The following PTPN14 variants were observed in gnomAD, a reference collection of about 807,000 sequenced individuals.
The protein encoded by PTPN14 is protein tyrosine phosphatase non-receptor type 14, also known as tyrosine-protein phosphatase non-receptor type 14.
Under a neutral mutation model 126.8 loss-of-function variants are expected in PTPN14, and 53 were observed. That is an observed-to-expected ratio of 0.42 (90% CI 0.34 to 0.53). The LOEUF (loss-of-function observed/expected upper bound fraction) is 0.53, where lower values mean the gene tolerates loss of function less well. PTPN14 is among the 20% of genes least tolerant of loss of function. The pLI, the probability that PTPN14 is intolerant of heterozygous loss-of-function variation, is 0.08. For missense variants in PTPN14, 1,257 were observed against 1,552.9 expected, an observed-to-expected ratio of 0.81 and a Z score of 3.20; for synonymous variants, 630 against 599.3, an observed-to-expected ratio of 1.05 and a Z score of -0.75.
intron 2 of PTPN14, among the ~76,000 whole-genome samples, chr1:214,453,857 C>A (rs572571660): frequency 8.3e-4 from 127 of 152,262 alleles, no homozygotes; most frequent in African/African-American, 3.0e-3. Context: ...CAAAGCTATA[C>A]CTCCACTAAG....
chr1:214,446,962 C>T (rs1167778967), intron 3 of PTPN14, among the ~76,000 whole-genome samples: 5 of 152,098 alleles, frequency 3.3e-5, no homozygotes, highest in Non-Finnish European at 7.4e-5. Context: ...ACGGGTTGCC[C>T]GCAAATGAAA....
At chr1:214,539,713 G>A (rs982353099) in intron 1 of PTPN14, among the ~76,000 whole-genome samples, 2 of 152,090 alleles carry the variant, frequency 1.3e-5, no homozygotes, top group Admixed American at 1.3e-4. Context: ...AGGGAGGAGG[G>A]AAGAGAGGAG....
At position 214,495,607 on chromosome 1, in the gene PTPN14, T is replaced by G. The variant is rs1661342845; in HGVS notation, c.-154-30650A>C. 2.0e-5 allele frequency among the ~76,000 whole-genome samples: 3 copies of G among 152,146 alleles called. No individual in the cohort carries two copies. In the South Asian group the frequency reaches 6.2e-4, roughly 32 times the overall value. On this transcript the variant is annotated intron_variant, in intron 1 of 18. Transcript: ENST00000366956. ...TTAGACAAGACTGACATTATCAAAT[T>G]AAGATGGGGGAGGAAAAGTGCTTTT...
intron 1 of PTPN14, chr1:214,531,831 C>T (rs527276026): frequency 1.3e-5 from 2 of 152,118 alleles, no homozygotes; most frequent in African/African-American, 4.8e-5. Flanking sequence ...AGGAAAGACC[C>T]GTTCTTATGT....
chr1:214,520,065 A>AAAAAAATATATATATAT, intron 1 of PTPN14, among the ~76,000 whole-genome samples: 57 of 71,088 alleles, frequency 8.0e-4, no homozygotes, highest in African/African-American at 2.0e-3. Context: ...AAAAAAAAAA[A>AAAAAAATATATATATAT]ATATATATAT....
At chr1:214,376,686 A>G (rs1658350411) in intron 14 of PTPN14, among the ~76,000 whole-genome samples, 1 of 152,154 alleles carries the variant, frequency 6.6e-6, no homozygotes, top group Non-Finnish European at 1.5e-5. Flanking sequence ...AAAAATCAAT[A>G]TTTTTGCTAT....
At chr1:214,402,278 A>G (rs1282938424) in intron 6 of PTPN14, among the ~76,000 whole-genome samples, 3 of 151,630 alleles carry the variant, frequency 2.0e-5, no homozygotes, top group Non-Finnish European at 2.9e-5. Context: ...TCTCCACTAA[A>G]AATACAAAAA....
intron 1 of PTPN14, chr1:214,530,971 T>C (rs1397008074): frequency 2.0e-5 from 3 of 152,160 alleles, no homozygotes; most frequent in Non-Finnish European, 4.4e-5. Context: ...CAACTTTGCC[T>C]CAAATATTTA....
rs533901883 is a variant in PTPN14 at position 214,548,075 on chromosome 1, T to C, written c.-155+3108A>G. On this transcript the variant is annotated intron_variant, in intron 1 of 18. Transcript: ENST00000366956. ...ACCTATTCTGTGTGAGGTACTGTTATACAGCATGACACTGAATTCTCCATA... is the reference window on the plus strand; with the variant it reads ...ACCTATTCTGTGTGAGGTACTGTTACACAGCATGACACTGAATTCTCCATA... 1.3e-4 allele frequency among the ~76,000 whole-genome samples: 20 copies of C among 152,346 alleles called. No individual in the cohort carries two copies. The South Asian group carries it at 1.7e-3, about 13-fold the overall frequency.
At chr1:214,464,493 T>C (rs1340752012) in intron 2 of PTPN14, 137 bp downstream of exon 2, 3 of 1,183,260 alleles carry the variant, frequency 2.5e-6, no homozygotes, top group African/African-American at 1.5e-5. Context: ...AACAGGATTC[T>C]TATAAACACA....
chr1:214,402,072 A>G (rs1349720222), intron 6 of PTPN14, among the ~76,000 whole-genome samples: 1 of 152,098 alleles, frequency 6.6e-6, no homozygotes, highest in Non-Finnish European at 1.5e-5. Flanking sequence ...CTTTAAAAAG[A>G]AGTTATTTTT....
rs531898418 is a variant in PTPN14, at chr1:214,492,516, G to A, written c.-154-27559C>T. Among the ~76,000 whole-genome samples the A allele has an allele frequency of 3.3e-5, 5 of 152,334 alleles. 1 individual carries two copies. The South Asian group carries it at 1.0e-3, about 32-fold the overall frequency. ...TGACCCTAAGGAGAATCAGATTAAA[G>A]TTTTGTGTATACGTTGGGACATTTG... is the stretch of plus-strand genomic sequence containing the variant. On this transcript the variant is annotated intron_variant, in intron 1 of 18. Transcript: ENST00000366956.
chr1:214,529,188 A>G (rs532475371), intron 1 of PTPN14: 2 of 152,174 alleles, frequency 1.3e-5, no homozygotes, highest in Non-Finnish European at 2.9e-5. Context: ...GTGGTGGCGC[A>G]TGTCTGTAGC....
At chr1:214,484,544 C>G (rs1174979614) in intron 1 of PTPN14, among the ~76,000 whole-genome samples, 2 of 152,158 alleles carry the variant, frequency 1.3e-5, no homozygotes, top group Non-Finnish European at 2.9e-5. Context: ...AAACAAGATA[C>G]AGATGCAAAG....
chr1:214,391,722 C>G lies in PTPN14; in HGVS notation c.930-677G>C, dbSNP rs1415651007. Among the ~76,000 whole-genome samples the G allele has an allele frequency of 3.0e-5, 4 of 133,388 alleles. No homozygotes were observed. The South Asian group carries it at 9.8e-4, about 33-fold the overall frequency. 87.5% of individuals were successfully genotyped at this position (133,388 alleles called of 152,430 possible). On this transcript the variant is annotated intron_variant, in intron 10 of 18. Coordinates refer to ENST00000366956, the MANE Select transcript of PTPN14 (RefSeq NM_005401.5). ...GTTACCATAAAAAAAAAAAAAAAAC[C>G]CAGGACATGTACAGTTTTTTATTAA...
chr1:214,481,908 A>G (rs1467591518), intron 1 of PTPN14, among the ~76,000 whole-genome samples: 1 of 151,408 alleles, frequency 6.6e-6, no homozygotes, highest in African/African-American at 2.4e-5. Context: ...AATGGCGTGA[A>G]CCCAGGAGGC....
chr1:214,494,308 C>T (rs1661314017), intron 1 of PTPN14, among the ~76,000 whole-genome samples: 1 of 152,088 alleles, frequency 6.6e-6, no homozygotes, highest in Non-Finnish European at 1.5e-5. Context: ...GTGATCCGCC[C>T]GCCTTGGCTT....
intron 8 of PTPN14, among the ~76,000 whole-genome samples, chr1:214,395,640 T>G (rs1658861471): frequency 9.1e-6 from 1 of 109,476 alleles, no homozygotes; most frequent in African/African-American, 3.5e-5. Flanking sequence ...CACACAGAGT[T>G]TCCTTCCCTG....
intron 1 of PTPN14, among the ~76,000 whole-genome samples, chr1:214,513,618 T>C (rs543058214): frequency 9.3e-4 from 142 of 152,140 alleles, no homozygotes; most frequent in Admixed American, 2.4e-3. Context: ...CCTAGCCCCA[T>C]AGGCATTTGG....
Sources: gnomAD v4.1 joint callset for allele counts (sites outside exome capture counted in the v4.1 genomes callset) on GRCh38, gnomAD v4.1.1 for gene constraint, MANE v1.5 for transcripts, NCBI Gene and HGNC (gene_info 2026-07-23, HGNC 2026-07-21) for gene names.